Variants in XPR1 observed in about 807,000 individuals in gnomAD.
The protein encoded by XPR1 is xenotropic and polytropic retrovirus receptor 1.
Under a neutral mutation model 87.5 loss-of-function variants are expected in XPR1, and 28 were observed. The observed-to-expected ratio is 0.32, with a 90% CI of 0.24 to 0.44. The LOEUF (loss-of-function observed/expected upper bound fraction) is 0.44, where lower values mean the gene tolerates loss of function less well. Among genes scored for constraint, XPR1 ranks in the 20% least tolerant of loss-of-function variants. XPR1 has a pLI of 1.00. For missense variants in XPR1, 559 were observed against 862.3 expected, an observed-to-expected ratio of 0.65 and a Z score of 4.41; for synonymous variants, 300 against 306.1, an observed-to-expected ratio of 0.98 and a Z score of 0.21.
chr1:180,856,622 A>G (rs938138497), intron 11 of XPR1, among the ~76,000 whole-genome samples: 23 of 152,210 alleles, frequency 1.5e-4, no homozygotes, highest in African/African-American at 5.3e-4. Context: ...AGTTTATGGC[A>G]CCATGCCACT....
chr1:180,710,796 A>G (rs1657743167), intron 2 of XPR1, among the ~76,000 whole-genome samples: 1 of 115,098 alleles, frequency 8.7e-6, no homozygotes, highest in African/African-American at 3.3e-5. Flanking sequence ...GCGCCCCCCC[A>G]CCTCCCGGAT....
At chr1:180,695,536 G>GTT (rs1657137817) in intron 2 of XPR1, among the ~76,000 whole-genome samples, 1 of 151,934 alleles carries the variant, frequency 6.6e-6, no homozygotes, top group Non-Finnish European at 1.5e-5. Context: ...ATATCCCTTT[G>GTT]TTTTCTTCTG....
rs1649829487 is a variant in XPR1 at position 180,802,606 on chromosome 1, A to G, written c.224-782A>G. On this transcript the variant is annotated intron_variant, in intron 3 of 14. Coordinates refer to ENST00000367590, the MANE Select transcript of XPR1 (RefSeq NM_004736.4). ...GTTTTTAGTGTATTCACAAGGTTGT[A>G]CAACCATCACTACCAATTCTGGAAC... Among the ~76,000 whole-genome samples the G allele has an allele frequency of 2.0e-5, 3 of 152,222 alleles. No homozygotes were observed. In the South Asian group the frequency reaches 6.2e-4, roughly 32 times the overall value.
intron 2 of XPR1, among the ~76,000 whole-genome samples, chr1:180,747,895 A>G (rs1359924000): frequency 6.6e-6 from 1 of 152,242 alleles, no homozygotes; most frequent in Non-Finnish European, 1.5e-5. Flanking sequence ...TCTGTGAAAC[A>G]AACCTTTTAT....
chr1:180,635,065 T>C (rs2101889848), intron 1 of XPR1, among the ~76,000 whole-genome samples: 1 of 152,158 alleles, frequency 6.6e-6, no homozygotes, highest in South Asian at 2.1e-4. Flanking sequence ...TAATAACCCA[T>C]CAATATCCTG....
At chr1:180,780,777 A>T (rs558431101) in intron 2 of XPR1, among the ~76,000 whole-genome samples, 11 of 151,924 alleles carry the variant, frequency 7.2e-5, no homozygotes, top group Non-Finnish European at 1.3e-4. Context: ...CAAAAAAAAA[A>T]AAAAAGAGAT....
intron 2 of XPR1, among the ~76,000 whole-genome samples, chr1:180,741,353 A>G (rs1296235637): frequency 6.6e-6 from 1 of 151,830 alleles, no homozygotes. Flanking sequence ...TTTAGTAGAG[A>G]TGGGGTTTCA....
chr1:180,805,972 G>A, intron 4 of XPR1, 90 bp from the exon 5 acceptor site: 1 of 1,387,698 alleles, frequency 7.2e-7, no homozygotes, highest in Non-Finnish European at 9.7e-7. Context: ...TCTTTGTCCA[G>A]CCAGCTCTGT....
chr1:180,879,178 G>A (rs1180706633), intron 13 of XPR1, among the ~76,000 whole-genome samples: 1 of 152,098 alleles, frequency 6.6e-6, no homozygotes, highest in Non-Finnish European at 1.5e-5. Flanking sequence ...TAAATCCTTT[G>A]TCTGTCTGCT....
chr1:180,651,156 A>T (rs1345921407), intron 1 of XPR1, among the ~76,000 whole-genome samples: 1 of 149,038 alleles, frequency 6.7e-6, no homozygotes, highest in Non-Finnish European at 1.5e-5. Flanking sequence ...CCCAGGCTGG[A>T]TCTCAGCTCA....
intron 2 of XPR1, among the ~76,000 whole-genome samples, chr1:180,725,666 C>T (rs181086703): frequency 2.0e-5 from 3 of 152,232 alleles, no homozygotes; most frequent in East Asian, 1.9e-4. Context: ...ACAAATTCAC[C>T]GAAGTCTCAT....
intron 2 of XPR1, among the ~76,000 whole-genome samples, chr1:180,776,415 A>G (rs1166714455): frequency 2.6e-5 from 4 of 152,028 alleles, no homozygotes; most frequent in Non-Finnish European, 5.9e-5. Context: ...TGGAAATTGT[A>G]TAATTGTATA....
At position 180,885,692 on chromosome 1, in the gene XPR1, A is replaced by G. The variant is rs766984812; in HGVS notation, c.*1626A>G. The G allele has an allele frequency of 1.3e-5, 2 of 152,218 alleles. No individual in the cohort carries two copies. The highest frequency in any genetic ancestry group is 2.9e-5 in the Non-Finnish European group (2 of 68,040). The allele number at this position is 152,218 out of a possible 1,614,324, so 9.4% of individuals were successfully genotyped here. On this transcript the variant is annotated 3_prime_UTR_variant, in exon 15 of 15. Transcript: ENST00000367590. ...TTCATGAAAGTAAATTTAGTCCTATAATTTTCAGCTTAATTATAAACAAAG... is the reference window on the plus strand; with the variant it reads ...TTCATGAAAGTAAATTTAGTCCTATGATTTTCAGCTTAATTATAAACAAAG...
At chr1:180,723,166 C>G (rs1049440442) in intron 2 of XPR1, among the ~76,000 whole-genome samples, 1 of 152,054 alleles carries the variant, frequency 6.6e-6, no homozygotes, top group African/African-American at 2.4e-5. Flanking sequence ...GAGTCAAACC[C>G]TGTAGAAAAT....
intron 2 of XPR1, among the ~76,000 whole-genome samples, chr1:180,704,811 G>GTTGT (rs1657500651): frequency 3.1e-5 from 2 of 63,612 alleles, no homozygotes; most frequent in East Asian, 3.2e-4. Flanking sequence ...GGGACTGTTG[G>GTTGT]TTGTTTTTTT....
chr1:180,668,131 T>G (rs1358913554), intron 1 of XPR1, among the ~76,000 whole-genome samples: 1 of 146,406 alleles, frequency 6.8e-6, no homozygotes, highest in Admixed American at 6.7e-5. Flanking sequence ...ATCTTTTTTT[T>G]TTTTTTTTTT....
chr1:180,702,512 G>C (rs1420687381), intron 2 of XPR1, among the ~76,000 whole-genome samples: 1 of 151,596 alleles, frequency 6.6e-6, no homozygotes, highest in Non-Finnish European at 1.5e-5. Context: ...GTACTGACTG[G>C]GTTATTTAAA....
intron 1 of XPR1, among the ~76,000 whole-genome samples, chr1:180,662,921 G>T (rs1407435397): frequency 6.6e-6 from 1 of 151,998 alleles, no homozygotes; most frequent in Non-Finnish European, 1.5e-5. Context: ...AGACTCTAAT[G>T]CATTCTTCAG....
intron 2 of XPR1, among the ~76,000 whole-genome samples, chr1:180,692,759 A>T (rs574055338): frequency 6.6e-6 from 1 of 152,314 alleles, no homozygotes; most frequent in East Asian, 1.9e-4. Flanking sequence ...AATTAGATCT[A>T]ATTTAATGCT....
Sources: gnomAD v4.1 joint callset for allele counts (sites outside exome capture counted in the v4.1 genomes callset) on GRCh38, gnomAD v4.1.1 for gene constraint, MANE v1.5 for transcripts, NCBI Gene and HGNC (gene_info 2026-07-23, HGNC 2026-07-21) for gene names.